Variants in SPATA7 observed in about 807,000 individuals in gnomAD.
SPATA7 encodes the protein spermatogenesis associated 7.
A neutral mutation model predicts 51.8 loss-of-function variants in SPATA7; 43 were observed. The ratio of observed to expected loss-of-function variants is 0.83; its 90% CI spans 0.65 to 1.07. The LOEUF (loss-of-function observed/expected upper bound fraction) is 1.07. SPATA7 is among the 50% of genes least tolerant of loss of function. The probability of loss-of-function intolerance (pLI) is 0.00; values close to 1 mark genes in which losing one functional copy is unlikely to be tolerated. For synonymous variants in SPATA7, 230 were observed against 252.8 expected, an observed-to-expected ratio of 0.91 and a Z score of 0.86; for missense variants, 683 against 701.3, an observed-to-expected ratio of 0.97 and a Z score of 0.30.
At position 88,393,453 on chromosome 14, in the gene SPATA7, T is replaced by C; in HGVS notation, c.155T>C (p.Met52Thr). 6.2e-7 allele frequency: 1 copy of C among 1,605,510 alleles called. No individual in the cohort carries two copies. Among genetic ancestry groups the C allele is most frequent in the Admixed American group, 1.7e-5 (1 of 59,260 alleles). The change falls in exon 3 of 12, where the codon ATG (methionine) becomes ACG (threonine). Residue 52 changes from methionine to threonine, a missense_variant. Physicochemically the swap from Met to Thr is moderately conservative, Grantham distance 81. Transcript: ENST00000393545. ...LSTLQLVKNH[M>T]AVHYNKILSA... ...ACTCTCCAGCTGGTCAAGAATCACATGGCTGTTCACTATAATAAAATCCTT... is the reference window on the plus strand; with the variant it reads ...ACTCTCCAGCTGGTCAAGAATCACACGGCTGTTCACTATAATAAAATCCTT...
chr14:88,402,433 CA>C (rs55637670), intron 4 of SPATA7, among the ~76,000 whole-genome samples: 135,065 of 151,794 alleles, frequency 0.89, 61,375 homozygotes, highest in Non-Finnish European at 0.98. Context: ...ATGGAACTGG[CA>C]AAAAAAAACA....
chr14:88,457,787 G>A (rs1468901609), downstream of SPATA7, among the ~76,000 whole-genome samples: 3 of 152,174 alleles, frequency 2.0e-5, no homozygotes, highest in African/African-American at 4.8e-5. Context: ...GTGAGAGAGG[G>A]CATCTTTGTC....
At chr14:88,409,598 G>T (rs1033242256) in intron 4 of SPATA7, among the ~76,000 whole-genome samples, 1 of 151,870 alleles carries the variant, frequency 6.6e-6, no homozygotes, top group African/African-American at 2.4e-5. Context: ...CTTCATTTCT[G>T]CTCTGATCTT....
chr14:88,427,993 C>T (rs905207209), intron 7 of SPATA7: 28 of 240,446 alleles, frequency 1.2e-4, no homozygotes, highest in African/African-American at 5.9e-4. Context: ...GTATTGTTTT[C>T]AAAGATGCAG....
At chr14:88,452,038 C>A (rs1044624174) in intron 3 of SPATA7, among the ~76,000 whole-genome samples, 1 of 152,166 alleles carries the variant, frequency 6.6e-6, no homozygotes, top group African/African-American at 2.4e-5. Context: ...GGTTCCTTCT[C>A]ATTTGGGTAG....
chr14:88,451,823 C>G (rs1460307771), intron 3 of SPATA7, among the ~76,000 whole-genome samples: 2 of 152,114 alleles, frequency 1.3e-5, no homozygotes, highest in African/African-American at 4.8e-5. Flanking sequence ...CTACACCTGG[C>G]CCTATATCAT....
At chr14:88,417,800 T>C (rs2076526451) in intron 5 of SPATA7, among the ~76,000 whole-genome samples, 3 of 152,324 alleles carry the variant, frequency 2.0e-5, no homozygotes, top group Middle Eastern at 6.8e-3. Context: ...TTTCTTTTTT[T>C]GTACTCCTTG....
chr14:88,442,568 T>A (rs928561201), downstream of SPATA7, among the ~76,000 whole-genome samples: 4 of 152,286 alleles, frequency 2.6e-5, no homozygotes, highest in South Asian at 8.3e-4. Context: ...TGTTTTTAAT[T>A]CTGTTTATGT....
At chr14:88,464,914 CTGA>C (rs1465949742) in intron 4 of SPATA7, among the ~76,000 whole-genome samples, 1 of 152,112 alleles carries the variant, frequency 6.6e-6, no homozygotes. Flanking sequence ...TCTGAAATGA[CTGA>C]TGGTGAAAGC....
chr14:88,427,084 G>A (rs189197455), intron 6 of SPATA7, among the ~76,000 whole-genome samples: 64 of 152,274 alleles, frequency 4.2e-4, no homozygotes, highest in African/African-American at 1.4e-3. Flanking sequence ...TAGAGGGGAA[G>A]AAACTAACCC....
chr14:88,411,155 G>C (rs28748114), intron 4 of SPATA7, among the ~76,000 whole-genome samples: 59 of 152,264 alleles, frequency 3.9e-4, no homozygotes, highest in Non-Finnish European at 4.9e-4. Context: ...ACTTCCTGGC[G>C]GCTTTGTTTA....
chr14:88,459,496 C>G (rs1421397202), downstream of SPATA7, among the ~76,000 whole-genome samples: 14 of 152,074 alleles, frequency 9.2e-5, no homozygotes, highest in South Asian at 1.0e-3. Flanking sequence ...CTCTTTTGAT[C>G]TTTGTTGGTT....
At chr14:88,444,950 A>G (rs1373450412) in intron 3 of SPATA7, among the ~76,000 whole-genome samples, 1 of 152,072 alleles carries the variant, frequency 6.6e-6, no homozygotes, top group Non-Finnish European at 1.5e-5. Context: ...TTGGCTTAGG[A>G]TTGACTTGGC....
downstream of SPATA7, among the ~76,000 whole-genome samples, chr14:88,439,742 A>G (rs369791232): frequency 2.0e-5 from 3 of 152,184 alleles, no homozygotes; most frequent in Admixed American, 6.5e-5. Context: ...CATTCATGGG[A>G]TGCTGACCAT....
intron 7 of SPATA7, chr14:88,428,495 C>G (rs573474314): frequency 6.6e-6 from 1 of 152,252 alleles, no homozygotes; most frequent in South Asian, 2.1e-4. Flanking sequence ...GGACAAATCA[C>G]TTATCCTCTG....
intron 4 of SPATA7, chr14:88,468,063 A>G (rs1175001220): frequency 1.3e-6 from 2 of 1,531,566 alleles, no homozygotes; most frequent in Non-Finnish European, 9.0e-7. Context: ...ACGGGAAAGT[A>G]TGAGTTAGGC....
chr14:88,468,048 T>C (rs1377750423), intron 4 of SPATA7: 1 of 1,484,648 alleles, frequency 6.7e-7, no homozygotes, highest in Non-Finnish European at 9.3e-7. Flanking sequence ...GTGGATCAAG[T>C]GTCAACGGGA....
intron 8 of SPATA7, among the ~76,000 whole-genome samples, chr14:88,430,048 T>C (rs549733392): frequency 6.6e-6 from 1 of 152,118 alleles, no homozygotes; most frequent in African/African-American, 2.4e-5. Context: ...ATACATTAAT[T>C]AGCAGGTAGT....
intron 5 of SPATA7, among the ~76,000 whole-genome samples, chr14:88,422,437 G>A (rs2139983037): frequency 6.6e-6 from 1 of 151,978 alleles, no homozygotes; most frequent in East Asian, 1.9e-4. Context: ...TTTAGTGATT[G>A]TACTTTTTAA....
Sources: gnomAD v4.1 joint callset for allele counts (sites outside exome capture counted in the v4.1 genomes callset) on GRCh38, gnomAD v4.1.1 for gene constraint, MANE v1.5 for transcripts, NCBI Gene and HGNC (gene_info 2026-07-23, HGNC 2026-07-21) for gene names.